AGBL4: variants seen among roughly 807,000 people sequenced by gnomAD.
The protein encoded by AGBL4 is AGBL carboxypeptidase 4.
Under a neutral mutation model 66.4 loss-of-function variants are expected in AGBL4, and 58 were observed. The observed-to-expected ratio is 0.87, with a 90% CI of 0.71 to 1.09. The LOEUF (loss-of-function observed/expected upper bound fraction) is 1.09. Among genes scored for constraint, AGBL4 ranks in the 50% least tolerant of loss-of-function variants. The pLI is 0.00. For synonymous variants in AGBL4, 234 were observed against 222.9 expected (o/e 1.05, Z -0.44); for missense variants, 579 against 631.0 (o/e 0.92, Z 0.88).
intron 4 of AGBL4, among the ~76,000 whole-genome samples, chr1:49,149,704 T>C (rs1269448190): frequency 6.6e-6 from 1 of 152,214 alleles, no homozygotes; most frequent in Non-Finnish European, 1.5e-5. Context: ...CCATGAATGC[T>C]GAAGCATCAC....
Position 48,719,296 on chromosome 1 carries a change from C to T in AGBL4, c.635-56055G>A, listed in dbSNP as rs139754170. Among the ~76,000 whole-genome samples the T allele has an allele frequency of 1.1e-4, 16 of 152,238 alleles. No homozygotes were observed. In the East Asian group the frequency reaches 2.9e-3, roughly 28 times the overall value. ...GAGGTGCTCCTCTGGACATAGTTGC[C>T]CTGGGCACTCCCCATCTGCACCATT... On this transcript the variant is annotated intron_variant, in intron 6 of 13. Transcript: ENST00000371839.
At chr1:48,819,254 C>G (rs371730702) in intron 6 of AGBL4, among the ~76,000 whole-genome samples, 1 of 152,162 alleles carries the variant, frequency 6.6e-6, no homozygotes. Context: ...GTGAAAGAAT[C>G]TGTTATGTTT....
At chr1:49,732,988 T>A in intron 2 of AGBL4, among the ~76,000 whole-genome samples, 1 of 150,332 alleles carries the variant, frequency 6.7e-6, no homozygotes, top group Non-Finnish European at 1.5e-5. Flanking sequence ...ACACCAAACA[T>A]AAAGGAAAAT....
intron 4 of AGBL4, among the ~76,000 whole-genome samples, chr1:49,134,714 A>G (rs142771406): frequency 0.012 from 1,815 of 152,008 alleles, 30 homozygotes; most frequent in African/African-American, 0.042. Flanking sequence ...TTGTTCAAAC[A>G]CACATGCTTT....
intron 3 of AGBL4, among the ~76,000 whole-genome samples, chr1:49,437,985 T>A (rs538973494): frequency 6.6e-6 from 1 of 152,284 alleles, no homozygotes; most frequent in East Asian, 1.9e-4. Flanking sequence ...ATAAACCAGG[T>A]ACTACTTTTC....
intron 2 of AGBL4, among the ~76,000 whole-genome samples, chr1:49,839,743 A>C (rs983529233): frequency 1.8e-4 from 28 of 152,350 alleles, no homozygotes; most frequent in African/African-American, 6.5e-4. Context: ...GGGTTAAAAC[A>C]GTTGTGAGAT....
chr1:49,024,888 A>T (rs1432367627), intron 5 of AGBL4, among the ~76,000 whole-genome samples: 1 of 152,180 alleles, frequency 6.6e-6, no homozygotes, highest in Non-Finnish European at 1.5e-5. Context: ...TAGAGAGGTT[A>T]TTTGAGATAG....
At chr1:48,649,649 T>G (rs1384918712) in intron 8 of AGBL4, among the ~76,000 whole-genome samples, 2 of 152,204 alleles carry the variant, frequency 1.3e-5, no homozygotes, top group African/African-American at 4.8e-5. Flanking sequence ...AGAGTGTACT[T>G]TCTTCAGTTC....
chr1:49,359,850 C>T (rs1570518678), intron 3 of AGBL4, among the ~76,000 whole-genome samples: 2 of 152,054 alleles, frequency 1.3e-5, no homozygotes, highest in African/African-American at 4.8e-5. Context: ...CTGAAGGTAA[C>T]CAACTATCCT....
At chr1:48,841,596 A>C (rs1270310519) in intron 6 of AGBL4, among the ~76,000 whole-genome samples, 1 of 151,980 alleles carries the variant, frequency 6.6e-6, no homozygotes, top group African/African-American at 2.4e-5. Flanking sequence ...TTGCTAGTAA[A>C]ACTGTCCTTG....
At chr1:49,459,088 G>A (rs866426283) in intron 3 of AGBL4, among the ~76,000 whole-genome samples, 8 of 147,704 alleles carry the variant, frequency 5.4e-5, no homozygotes, top group South Asian at 2.1e-4. Flanking sequence ...TGCTTCTTTC[G>A]TTTTGGTATT....
chr1:49,015,412 A>G (rs892591603), intron 5 of AGBL4, among the ~76,000 whole-genome samples: 2 of 144,726 alleles, frequency 1.4e-5, no homozygotes, highest in African/African-American at 2.5e-5. Context: ...AGATGATAGG[A>G]TTTCAAGTAA....
At chr1:48,853,976 C>T (rs568044619) in intron 6 of AGBL4, among the ~76,000 whole-genome samples, 2 of 152,274 alleles carry the variant, frequency 1.3e-5, no homozygotes, top group Non-Finnish European at 1.5e-5. Context: ...GTGCAGAAGG[C>T]CTGGTGTTAT....
At chr1:49,964,326 A>T (rs1657372405) in intron 1 of AGBL4, among the ~76,000 whole-genome samples, 1 of 152,174 alleles carries the variant, frequency 6.6e-6, no homozygotes, top group Non-Finnish European at 1.5e-5. Context: ...TCAGATACTC[A>T]TCTATAAAAT....
chr1:49,398,765 C>G (rs1042806973), intron 3 of AGBL4, among the ~76,000 whole-genome samples: 5 of 152,128 alleles, frequency 3.3e-5, no homozygotes, highest in Admixed American at 3.3e-4. Context: ...TATTTTGACA[C>G]AGGCATGTAC....
At chr1:49,012,026 TATA>T (rs1426664409) in intron 5 of AGBL4, among the ~76,000 whole-genome samples, 5 of 147,688 alleles carry the variant, frequency 3.4e-5, no homozygotes, top group African/African-American at 1.3e-4. Flanking sequence ...AAACTTAAAA[TATA>T]ATAATAAAAG....
chr1:49,220,678 T>G (rs1649426577), intron 4 of AGBL4, among the ~76,000 whole-genome samples: 1 of 152,036 alleles, frequency 6.6e-6, no homozygotes, highest in South Asian at 2.1e-4. Context: ...ACCCAAAGAA[T>G]CTCTTTACTC....
chr1:48,724,015 G>A (rs1647191327), intron 6 of AGBL4, among the ~76,000 whole-genome samples: 1 of 152,238 alleles, frequency 6.6e-6, no homozygotes, highest in South Asian at 2.1e-4. Context: ...GGAGAACTAT[G>A]GGATAAGCAG....
At chr1:48,658,495 A>G (rs1646054717) in intron 7 of AGBL4, among the ~76,000 whole-genome samples, 2 of 152,180 alleles carry the variant, frequency 1.3e-5, no homozygotes, top group South Asian at 4.1e-4. Context: ...GCTGAGTCCA[A>G]GGGCCTCGAA....
Sources: gnomAD v4.1 joint callset for allele counts (sites outside exome capture counted in the v4.1 genomes callset) on GRCh38, gnomAD v4.1.1 for gene constraint, MANE v1.5 for transcripts, NCBI Gene and HGNC (gene_info 2026-07-23, HGNC 2026-07-21) for gene names.